Variants in EBF2 observed in about 807,000 individuals in gnomAD.
The protein encoded by EBF2 is EBF transcription factor 2.
A neutral mutation model predicts 72.8 loss-of-function variants in EBF2; 21 were observed. The observed-to-expected ratio is 0.29, with a 90% CI of 0.20 to 0.42. The LOEUF is 0.42. Among genes scored for constraint, EBF2 ranks in the 10% least tolerant of loss-of-function variants. The pLI is 1.00. For missense variants in EBF2, 637 were observed against 731.2 expected (o/e 0.87, Z 1.49); for synonymous variants, 299 against 274.2 (o/e 1.09, Z -0.89).
intron 6 of EBF2, among the ~76,000 whole-genome samples, chr8:25,993,747 AT>A (rs1159971962): frequency 1.3e-5 from 2 of 151,262 alleles, no homozygotes; most frequent in Non-Finnish European, 2.9e-5. Flanking sequence ...ATACAGTAAT[AT>A]TTTTCTGAGC....
chr8:25,913,715 C>G (rs1563398596), intron 6 of EBF2, among the ~76,000 whole-genome samples: 1 of 152,166 alleles, frequency 6.6e-6, no homozygotes, highest in Non-Finnish European at 1.5e-5. Flanking sequence ...GGTTCTCTTT[C>G]TCTGCCATGA....
Position 25,842,634 on chromosome 8 carries a change from C to T in EBF2, c.*1975G>A, listed in dbSNP as rs527476107. On this transcript the variant is annotated 3_prime_UTR_variant, in exon 16 of 16. Transcript: ENST00000520164. Reference sequence around the variant, plus strand: ...TTTCCGTGTATTTTGGCGCTTTAAGCCCTGACTATGAGGGACTGTCAGCAG... The same window carrying T: ...TTTCCGTGTATTTTGGCGCTTTAAGTCCTGACTATGAGGGACTGTCAGCAG... The T allele has an allele frequency of 1.3e-5, 2 of 152,200 alleles. No individual in the cohort carries two copies. Among genetic ancestry groups the T allele is most frequent in the South Asian group, 4.2e-4 (2 of 4,816 alleles). 9.4% of individuals were successfully genotyped at this position (152,200 alleles called of 1,614,324 possible). A position where few individuals can be genotyped will look rare whatever the true frequency, so the allele number is the denominator to read the frequency against.
intron 6 of EBF2, among the ~76,000 whole-genome samples, chr8:25,951,429 T>C (rs1485750): frequency 0.31 from 46,571 of 151,984 alleles, 7,594 homozygotes; most frequent in Middle Eastern, 0.41. Flanking sequence ...GCCCACCCAA[T>C]TGAACATGAT....
chr8:25,912,466 GCACACACACA>G (rs141335310), intron 6 of EBF2, among the ~76,000 whole-genome samples: 3 of 136,854 alleles, frequency 2.2e-5, no homozygotes, highest in Admixed American at 1.5e-4. Context: ...TCTAAAAATG[GCACACACACA>G]CACACACACA....
At chr8:25,956,160 T>G (rs528349686) in intron 6 of EBF2, among the ~76,000 whole-genome samples, 2 of 152,330 alleles carry the variant, frequency 1.3e-5, no homozygotes, top group Non-Finnish European at 1.5e-5. Context: ...GGCTTATGCC[T>G]GTAATCCCAG....
chr8:25,895,012 C>A (rs538313817), intron 7 of EBF2, among the ~76,000 whole-genome samples: 1 of 152,332 alleles, frequency 6.6e-6, no homozygotes, highest in African/African-American at 2.4e-5. Flanking sequence ...TCTATTGGCA[C>A]TGCCATTCTG....
At chr8:26,033,991 T>C (rs1260487675) in intron 5 of EBF2, among the ~76,000 whole-genome samples, 2 of 152,214 alleles carry the variant, frequency 1.3e-5, no homozygotes, top group Non-Finnish European at 2.9e-5. Context: ...TTAAGATGGA[T>C]AAGGTCACTT....
rs370132735 is a variant in EBF2 at position 25,844,652 on chromosome 8, G to T, written c.1697-12C>A. On this transcript the variant is annotated splice_polypyrimidine_tract_variant and intron_variant, in intron 15 of 15. Coordinates refer to ENST00000520164, the MANE Select transcript of EBF2 (RefSeq NM_022659.4). ...AAGTCCGGTCATGGCTGCAAGGAAA[G>T]AGTGGCACAGGAATGAGACTTGGGG... The T allele has an allele frequency of 6.2e-6, 10 of 1,614,008 alleles. No homozygotes were observed. Among genetic ancestry groups the T allele is most frequent in the Non-Finnish European group, 8.5e-6 (10 of 1,179,884 alleles).
Position 25,887,910 on chromosome 8 carries a change from T to C in EBF2, c.814A>G (p.Ile272Val), listed in dbSNP as rs776589082. 3 of 1,613,892 alleles carry C rather than the reference T, an allele frequency of 1.9e-6. No individual in the cohort carries two copies. In the Admixed American group the frequency reaches 5.0e-5, roughly 27 times the overall value. Residue 272 changes from isoleucine to valine, a missense_variant, in exon 9 of 16, where the codon ATC (isoleucine) becomes GTC (valine). Coordinates refer to ENST00000520164, the MANE Select transcript of EBF2 (RefSeq NM_022659.4). The part of the protein sequence containing the change: ...EGWTTGGAMV[I>V]IIGDNFFDGL... ...TCAAAGAAGTTGTCCCCGATGATGA[T>C]GACCATGGCTCCTCCTGTGGTCCAG...
chr8:25,875,713 C>G (rs1456292758), intron 10 of EBF2, among the ~76,000 whole-genome samples: 1 of 152,186 alleles, frequency 6.6e-6, no homozygotes, highest in African/African-American at 2.4e-5. Context: ...TCATAAGAAC[C>G]TTCCCAAGGG....
At position 26,044,874 on chromosome 8, in the gene EBF2, C is replaced by T; in HGVS notation, c.-15G>A. ...ATTCCAAACATTTAAAAAGTCTGATCCTCTACTGTCGCTTTAAAAGTAAGA... is the reference window on the plus strand; with the variant it reads ...ATTCCAAACATTTAAAAAGTCTGATTCTCTACTGTCGCTTTAAAAGTAAGA... On this transcript the variant is annotated 5_prime_UTR_variant, in exon 1 of 16. Coordinates refer to ENST00000520164, the MANE Select transcript of EBF2 (RefSeq NM_022659.4). This position sits in a 1 kb window ranked among gnomAD's most constrained non-coding sequence, Gnocchi z 4.1. 1.9e-6 allele frequency: 3 copies of T among 1,613,256 alleles called. No homozygotes were observed. The highest frequency in any genetic ancestry group is 2.5e-6 in the Non-Finnish European group (3 of 1,179,494).
intron 6 of EBF2, among the ~76,000 whole-genome samples, chr8:25,908,886 C>T (rs1471036903): frequency 6.6e-6 from 1 of 152,044 alleles, no homozygotes; most frequent in Admixed American, 6.6e-5. Flanking sequence ...AGCAGTGACC[C>T]CTGCTGTACA....
chr8:26,011,315 A>G (rs1423828768), intron 6 of EBF2, among the ~76,000 whole-genome samples: 1 of 152,240 alleles, frequency 6.6e-6, no homozygotes, highest in Non-Finnish European at 1.5e-5. Flanking sequence ...TAGTAAAAGA[A>G]AGCGATAGCA....
chr8:25,980,787 CAAAAAAA>C (rs34271943), intron 6 of EBF2, among the ~76,000 whole-genome samples: 2 of 67,136 alleles, frequency 3.0e-5, no homozygotes, highest in Admixed American at 1.7e-4. Context: ...GAGGCCACCA[CAAAAAAA>C]AAAAAAAAAA....
intron 6 of EBF2, among the ~76,000 whole-genome samples, chr8:26,014,948 C>A (rs995511791): frequency 2.0e-5 from 3 of 152,270 alleles, no homozygotes; most frequent in Non-Finnish European, 4.4e-5. Flanking sequence ...ACTGTAATAA[C>A]CCTACCTAAT....
chr8:25,981,756 A>C (rs1053835527), intron 6 of EBF2, among the ~76,000 whole-genome samples: 1 of 150,584 alleles, frequency 6.6e-6, no homozygotes, highest in Non-Finnish European at 1.5e-5. Context: ...AGATGGCACC[A>C]CTGCACTCCA....
At chr8:26,025,076 G>A (rs562549191) in intron 6 of EBF2, among the ~76,000 whole-genome samples, 116 of 152,234 alleles carry the variant, frequency 7.6e-4, no homozygotes, top group African/African-American at 2.7e-3. Context: ...TCTGAACTAG[G>A]TCTTGAAAAA....
chr8:25,909,163 C>T (rs1311200906), intron 6 of EBF2, among the ~76,000 whole-genome samples: 1 of 152,066 alleles, frequency 6.6e-6, no homozygotes, highest in Non-Finnish European at 1.5e-5. Context: ...TTCAGAGAAA[C>T]ATGAAAGCAC....
intron 6 of EBF2, among the ~76,000 whole-genome samples, chr8:26,021,991 A>G (rs1174120586): frequency 1.3e-5 from 2 of 152,250 alleles, no homozygotes; most frequent in East Asian, 1.9e-4. Context: ...GGCTCCACAC[A>G]AAATCACTGA....
Sources: allele counts gnomAD v4.1 joint callset (sites outside exome capture counted in the v4.1 genomes callset), GRCh38; gene constraint gnomAD v4.1.1; non-coding constraint Gnocchi (gnomAD v3.1); transcripts MANE v1.5; gene names NCBI Gene and HGNC (gene_info 2026-07-23, HGNC 2026-07-21).